PCDH9: variants seen among roughly 807,000 people sequenced by gnomAD.
The protein encoded by PCDH9 is protocadherin 9, also known as protocadherin-9.
Under a neutral mutation model 70.6 loss-of-function variants are expected in PCDH9, and 24 were observed. That is an observed-to-expected ratio of 0.34 (90% CI 0.25 to 0.48). The LOEUF is 0.48. Ranked by LOEUF, PCDH9 falls within the 20% of genes least tolerant of loss-of-function variation. The pLI is 0.99. For synonymous variants in PCDH9, 562 were observed against 558.5 expected, an observed-to-expected ratio of 1.01 and a Z score of -0.09; for missense variants, 1,281 against 1,503.6, an observed-to-expected ratio of 0.85 and a Z score of 2.45.
At chr13:66,677,338 C>A (rs976262448) in intron 3 of PCDH9, among the ~76,000 whole-genome samples, 2 of 152,164 alleles carry the variant, frequency 1.3e-5, no homozygotes, top group South Asian at 4.2e-4. Context: ...TAAATAAGAT[C>A]TTTGCTCTTT....
chr13:66,966,240 G>A (rs1726401918), intron 2 of PCDH9, among the ~76,000 whole-genome samples: 1 of 152,076 alleles, frequency 6.6e-6, no homozygotes, highest in Non-Finnish European at 1.5e-5. Flanking sequence ...TCCAAATAGG[G>A]ACAATATTGA....
At chr13:66,590,313 G>T (rs1753054282) in intron 4 of PCDH9, among the ~76,000 whole-genome samples, 1 of 151,770 alleles carries the variant, frequency 6.6e-6, no homozygotes, top group African/African-American at 2.4e-5. Context: ...TCATATTGAG[G>T]CTTTGATAAG....
At chr13:66,823,253 G>A (rs1273452872) in intron 3 of PCDH9, among the ~76,000 whole-genome samples, 1 of 151,750 alleles carries the variant, frequency 6.6e-6, no homozygotes, top group Non-Finnish European at 1.5e-5. Flanking sequence ...TACATTTTTA[G>A]CTGTCCATAA....
intron 3 of PCDH9, among the ~76,000 whole-genome samples, chr13:66,807,641 A>G (rs1355091542): frequency 2.6e-5 from 4 of 152,130 alleles, no homozygotes; most frequent in Non-Finnish European, 5.9e-5. Flanking sequence ...AAAACACTAA[A>G]TAAGTATTTG....
intron 2 of PCDH9, among the ~76,000 whole-genome samples, chr13:67,082,747 T>C (rs1257070193): frequency 6.6e-6 from 1 of 152,186 alleles, no homozygotes; most frequent in Non-Finnish European, 1.5e-5. Flanking sequence ...TAATTACCAA[T>C]CCTTATATGC....
intron 2 of PCDH9, among the ~76,000 whole-genome samples, chr13:66,969,328 T>C (rs930163971): frequency 1.3e-5 from 2 of 152,016 alleles, no homozygotes; most frequent in African/African-American, 4.8e-5. Flanking sequence ...AAAGTGAATG[T>C]TATATGTGGA....
intron 3 of PCDH9, among the ~76,000 whole-genome samples, chr13:66,638,425 T>G (rs117681509): frequency 0.014 from 2,123 of 152,306 alleles, 22 homozygotes; most frequent in Middle Eastern, 0.034. Context: ...CAAAACAATC[T>G]GCAGATCTGT....
intron 4 of PCDH9, among the ~76,000 whole-genome samples, chr13:66,544,068 G>C (rs1419709485): frequency 6.6e-6 from 1 of 152,086 alleles, no homozygotes; most frequent in Non-Finnish European, 1.5e-5. Context: ...TACCATCATT[G>C]AATTATTTTC....
chr13:66,742,006 T>C (rs1240149747), intron 3 of PCDH9, among the ~76,000 whole-genome samples: 3 of 139,546 alleles, frequency 2.1e-5, no homozygotes, highest in Non-Finnish European at 3.1e-5. Context: ...AAAGTTCATA[T>C]GGAACCAAAA....
intron 4 of PCDH9, among the ~76,000 whole-genome samples, chr13:66,494,171 G>C (rs1959078210): frequency 1.3e-5 from 2 of 152,000 alleles, no homozygotes; most frequent in Admixed American, 6.6e-5. Flanking sequence ...TAAAGAATAA[G>C]GTCAACAAAG....
intron 3 of PCDH9, among the ~76,000 whole-genome samples, chr13:66,643,160 AGATGGAAAAACAC>A (rs2077729852): frequency 6.6e-6 from 1 of 152,084 alleles, no homozygotes; most frequent in African/African-American, 2.4e-5. Flanking sequence ...ATTAATCAGT[AGATGGAAAAACAC>A]TGATGACCTG....
At position 66,674,577 on chromosome 13, in the gene PCDH9, T is replaced by C. The variant is rs550789797; in HGVS notation, c.3139-43166A>G. On this transcript the variant is annotated intron_variant, in intron 3 of 4. Coordinates refer to ENST00000377865, the MANE Select transcript of PCDH9 (RefSeq NM_203487.3). ...CCATTTGCAGTTTTCCTTCTACATA[T>C]TGTAAAATTGAAATAAGAACTTTTC... 3.7e-3 allele frequency among the ~76,000 whole-genome samples: 567 copies of C among 152,212 alleles called. 7 individuals carry two copies. Among genetic ancestry groups the C allele is most frequent in the African/African-American group, 0.013 (521 of 41,566 alleles).
chr13:66,303,549 ACT>A lies in PCDH9; in HGVS notation c.*1104_*1105del, dbSNP rs1402071265. The stretch of plus-strand genomic sequence containing the variant: ...TTATTGTATATGAGGATCAACACAG[ACT>A]CTGCCATTTCAACAAAGTTGTAGAC... On this transcript the variant is annotated 3_prime_UTR_variant, in exon 5 of 5. Coordinates refer to ENST00000377865, the MANE Select transcript of PCDH9 (RefSeq NM_203487.3). 4 of 152,438 alleles carry A rather than the reference ACT, an allele frequency of 2.6e-5. No individual in the cohort carries two copies. The highest frequency in any genetic ancestry group is 9.7e-5 in the African/African-American group (4 of 41,410). The allele number at this position is 152,438 out of a possible 1,614,324, so 9.4% of individuals were successfully genotyped here.
intron 3 of PCDH9, among the ~76,000 whole-genome samples, chr13:66,656,661 C>G (rs2077934789): frequency 6.6e-6 from 1 of 152,044 alleles, no homozygotes; most frequent in South Asian, 2.1e-4. Flanking sequence ...TTAAAATGCC[C>G]TCTTCTGTAG....
At chr13:66,871,724 T>C (rs576120091) in intron 3 of PCDH9, among the ~76,000 whole-genome samples, 2 of 152,282 alleles carry the variant, frequency 1.3e-5, no homozygotes, top group South Asian at 2.1e-4. Context: ...ACATTATATA[T>C]ATTTGTTATA....
chr13:66,934,784 G>A (rs1282840073), intron 2 of PCDH9, among the ~76,000 whole-genome samples: 2 of 107,832 alleles, frequency 1.9e-5, no homozygotes, highest in Non-Finnish European at 3.4e-5. Flanking sequence ...GCAGTGGCGC[G>A]ATCTCGGCTC....
At chr13:66,815,904 G>A (rs150314826) in intron 3 of PCDH9, among the ~76,000 whole-genome samples, 2,259 of 152,106 alleles carry the variant, frequency 0.015, 71 homozygotes, top group African/African-American at 0.051. Flanking sequence ...CATGCACCCC[G>A]AACCTAACAT....
chr13:67,078,690 T>C (rs1478197258), intron 2 of PCDH9, among the ~76,000 whole-genome samples: 2 of 152,154 alleles, frequency 1.3e-5, no homozygotes, highest in African/African-American at 2.4e-5. Context: ...CGAAACAATA[T>C]TCCATGACCC....
At chr13:66,761,770 C>A (rs1043492225) in intron 3 of PCDH9, among the ~76,000 whole-genome samples, 3 of 151,506 alleles carry the variant, frequency 2.0e-5, no homozygotes, top group African/African-American at 7.3e-5. Flanking sequence ...CATTGTTTTT[C>A]TCATTTTGTT....
Sources: allele counts gnomAD v4.1 joint callset (sites outside exome capture counted in the v4.1 genomes callset), GRCh38; gene constraint gnomAD v4.1.1; transcripts MANE v1.5; gene names NCBI Gene and HGNC (gene_info 2026-07-23, HGNC 2026-07-21).